Variants in MAP2K5 observed in about 807,000 individuals in gnomAD.
MAP2K5 encodes the protein dual specificity mitogen-activated protein kinase kinase 5.
MAP2K5 carries 49 observed loss-of-function variants against 83.1 expected under a neutral mutation model. The ratio of observed to expected loss-of-function variants is 0.59; its 90% CI spans 0.47 to 0.75. The LOEUF is 0.75. Among genes scored for constraint, MAP2K5 ranks in the 30% least tolerant of loss-of-function variants. The pLI, the probability that MAP2K5 is intolerant of heterozygous loss-of-function variation, is 0.00. For synonymous variants in MAP2K5, 202 were observed against 191.8 expected (o/e 1.05, Z -0.44); for missense variants, 457 against 557.5 (o/e 0.82, Z 1.82).
chr15:67,588,158 A>C, intron 6 of MAP2K5: 1 of 943,040 alleles, frequency 1.1e-6, no homozygotes, highest in Non-Finnish European at 1.3e-6. Context: ...CCCTTCACAT[A>C]TGGGTGCTCT....
At chr15:67,633,018 G>A (rs778918031) in intron 9 of MAP2K5, among the ~76,000 whole-genome samples, 32 of 152,212 alleles carry the variant, frequency 2.1e-4, no homozygotes, top group Non-Finnish European at 4.6e-4. Flanking sequence ...AACTGGAAGA[G>A]ACCTTGGAGA....
intron 1 of MAP2K5, chr15:67,546,516 T>A: frequency 1.1e-5 from 10 of 900,890 alleles, no homozygotes; most frequent in Non-Finnish European, 1.3e-5. Flanking sequence ...AGTCGGTCTC[T>A]CTGGGCCTTG....
Position 67,543,021 on chromosome 15 carries a change from C to G in MAP2K5, c.-315C>G, listed in dbSNP as rs2084324488. 21 of 381,096 alleles carry G rather than the reference C, an allele frequency of 5.5e-5. No individual in the cohort carries two copies. In the South Asian group the frequency reaches 6.2e-4, roughly 11 times the overall value. The allele number at this position is 381,096 out of a possible 1,614,324, so 23.6% of individuals were successfully genotyped here. A position where few individuals can be genotyped will look rare whatever the true frequency, so the allele number is the denominator to read the frequency against. The stretch of plus-strand genomic sequence containing the variant: ...CTGCTGCCTCCTCATACCCACACGG[C>G]GGCAGAGACCTTCACCATAGCGTTC... On this transcript the variant is annotated 5_prime_UTR_variant, in exon 1 of 22. Coordinates refer to ENST00000178640, the MANE Select transcript of MAP2K5 (RefSeq NM_145160.3). The surrounding 1 kb of genome is among the most constrained non-coding windows in gnomAD (Gnocchi z 4.3).
At chr15:67,791,222 A>G (rs2090512003) in intron 21 of MAP2K5, among the ~76,000 whole-genome samples, 1 of 152,018 alleles carries the variant, frequency 6.6e-6, no homozygotes, top group Non-Finnish European at 1.5e-5. Flanking sequence ...GGAAGAGGAG[A>G]CTCTTCTGCA....
intron 3 of MAP2K5, among the ~76,000 whole-genome samples, chr15:67,570,171 C>G (rs2084923483): frequency 6.6e-6 from 1 of 152,244 alleles, no homozygotes; most frequent in East Asian, 1.9e-4. Flanking sequence ...CTGCTATTGG[C>G]TGCCCAAACT....
At position 67,750,956 on chromosome 15, in the gene MAP2K5, C is replaced by T. The variant is rs896457823; in HGVS notation, c.1134+2355C>T. On this transcript the variant is annotated intron_variant, in intron 19 of 21. Transcript: ENST00000178640. This position sits in a 1 kb window ranked among gnomAD's most constrained non-coding sequence, Gnocchi z 4.2. ...GTTCAGACAAGATGGGTATATTTGG[C>T]GTCACATACAAAATAGCTATCGCAA... is the stretch of plus-strand genomic sequence containing the variant. Among the ~76,000 whole-genome samples the T allele has an allele frequency of 2.6e-5, 4 of 152,016 alleles. No individual in the cohort carries two copies. Among genetic ancestry groups the T allele is most frequent in the East Asian group, 1.9e-4 (1 of 5,178 alleles).
At chr15:67,594,156 A>G (rs571236785) in intron 7 of MAP2K5, among the ~76,000 whole-genome samples, 1 of 152,280 alleles carries the variant, frequency 6.6e-6, no homozygotes, top group South Asian at 2.1e-4. Context: ...GCTAAGGAGA[A>G]TCTAGTGTGG....
At chr15:67,730,852 C>T (rs2089203770) in intron 17 of MAP2K5, among the ~76,000 whole-genome samples, 1 of 152,166 alleles carries the variant, frequency 6.6e-6, no homozygotes, top group African/African-American at 2.4e-5. Context: ...GACCATGAGC[C>T]AGAGTATTAG....
At chr15:67,765,227 C>T (rs917817668) in intron 19 of MAP2K5, among the ~76,000 whole-genome samples, 5 of 152,136 alleles carry the variant, frequency 3.3e-5, no homozygotes, top group Admixed American at 6.5e-5. Flanking sequence ...GGTGTGGTGG[C>T]GCACGCCTGT....
chr15:67,721,228 T>C (rs1489878734), intron 16 of MAP2K5, among the ~76,000 whole-genome samples: 1 of 152,208 alleles, frequency 6.6e-6, no homozygotes, highest in African/African-American at 2.4e-5. Context: ...TTCTCCCTTA[T>C]TATTAATAAT....
At position 67,640,026 on chromosome 15, in the gene MAP2K5, C is replaced by T. The variant is rs1377421306; in HGVS notation, c.586-6205C>T. On this transcript the variant is annotated intron_variant, in intron 9 of 21. Coordinates refer to ENST00000178640, the MANE Select transcript of MAP2K5 (RefSeq NM_145160.3). The surrounding 1 kb of genome is among the most constrained non-coding windows in gnomAD (Gnocchi z 4.6). ...ATATGTCTTTTAAGGGTGTTATCAC[C>T]AACTGCCTTGTATTTTGCTGTTAGT... Among the ~76,000 whole-genome samples, 1 of 152,132 alleles carries T rather than the reference C, an allele frequency of 6.6e-6. No homozygotes were observed. Among genetic ancestry groups the T allele is most frequent in the Admixed American group, 6.6e-5 (1 of 15,262 alleles).
intron 21 of MAP2K5, among the ~76,000 whole-genome samples, chr15:67,797,691 C>T (rs1444715618): frequency 2.0e-5 from 3 of 150,830 alleles, no homozygotes; most frequent in Non-Finnish European, 3.0e-5. Context: ...TTCATTGGTT[C>T]TTTTTTTTTG....
chr15:67,757,862 G>A lies in MAP2K5; in HGVS notation c.1134+9261G>A, dbSNP rs930087483. ...GCCAAGGTGCTGGGGAAACACAGAG[G>A]AGAGAACTCAGTGGAGGAGATGGGG... On this transcript the variant is annotated intron_variant, in intron 19 of 21. Coordinates refer to ENST00000178640, the MANE Select transcript of MAP2K5 (RefSeq NM_145160.3). The surrounding 1 kb of genome is among the most constrained non-coding windows in gnomAD (Gnocchi z 4.9). 3.9e-5 allele frequency among the ~76,000 whole-genome samples: 6 copies of A among 152,142 alleles called. No homozygotes were observed. Among genetic ancestry groups the A allele is most frequent in the African/African-American group, 1.2e-4 (5 of 41,424 alleles).
chr15:67,707,834 A>G (rs1005978391), intron 16 of MAP2K5, among the ~76,000 whole-genome samples: 10 of 152,212 alleles, frequency 6.6e-5, no homozygotes, highest in African/African-American at 2.4e-4. Context: ...GTAAACACTT[A>G]AGGAGAGATC....
intron 16 of MAP2K5, among the ~76,000 whole-genome samples, chr15:67,725,955 A>G (rs2089083582): frequency 6.6e-6 from 1 of 152,210 alleles, no homozygotes; most frequent in South Asian, 2.1e-4. Flanking sequence ...CTCCCCGTAC[A>G]TAGACAACAA....
chr15:67,720,164 G>A lies in MAP2K5; in HGVS notation c.1045-7752G>A, dbSNP rs2088922082. On this transcript the variant is annotated intron_variant, in intron 16 of 21. Coordinates refer to ENST00000178640, the MANE Select transcript of MAP2K5 (RefSeq NM_145160.3). This position sits in a 1 kb window ranked among gnomAD's most constrained non-coding sequence, Gnocchi z 5.7. The stretch of plus-strand genomic sequence containing the variant: ...AAATTGTATATTCCATTTAAACACA[G>A]TATCTAACCAAAAAGTTACTCAGCT... Among the ~76,000 whole-genome samples, 1 of 152,014 alleles carries A rather than the reference G, an allele frequency of 6.6e-6. No homozygotes were observed. Among genetic ancestry groups the A allele is most frequent in the Admixed American group, 6.6e-5 (1 of 15,258 alleles).
intron 20 of MAP2K5, among the ~76,000 whole-genome samples, chr15:67,771,231 T>C (rs1026976207): frequency 6.6e-6 from 1 of 151,074 alleles, no homozygotes; most frequent in Admixed American, 6.6e-5. Flanking sequence ...CATTTTGAAA[T>C]GCAAAAATTG....
rs1478485586 is a variant in MAP2K5 at position 67,555,833 on chromosome 15, G to T, written c.184+5751G>T. ...CAGTCTCACTCTGTCGCCCAGGCTG[G>T]AGTGCAGTGGTGTGATCTCGGCTCA... On this transcript the variant is annotated intron_variant, in intron 2 of 21. Transcript: ENST00000178640. This position sits in a 1 kb window ranked among gnomAD's most constrained non-coding sequence, Gnocchi z 5.2. 6.6e-6 allele frequency among the ~76,000 whole-genome samples: 1 copy of T among 151,896 alleles called. No individual in the cohort carries two copies. Among genetic ancestry groups the T allele is most frequent in the Admixed American group, 6.6e-5 (1 of 15,232 alleles).
At chr15:67,795,610 T>A (rs1279384308) in intron 21 of MAP2K5, among the ~76,000 whole-genome samples, 1 of 152,256 alleles carries the variant, frequency 6.6e-6, no homozygotes. Context: ...TCTTTGTTAC[T>A]TGTTTAGACT....
Sources: allele counts gnomAD v4.1 joint callset (sites outside exome capture counted in the v4.1 genomes callset), GRCh38; gene constraint gnomAD v4.1.1; non-coding constraint Gnocchi (gnomAD v3.1); transcripts MANE v1.5; gene names NCBI Gene and HGNC (gene_info 2026-07-23, HGNC 2026-07-21).